Variants in TPCN1 observed in about 807,000 individuals in gnomAD.
The protein encoded by TPCN1 is two pore segment channel 1.
In TPCN1, 52 loss-of-function variants were observed where a neutral mutation model predicts 108.8. The observed-to-expected ratio is 0.48, with a 90% CI of 0.38 to 0.60. TPCN1 has a LOEUF of 0.60. Among genes scored for constraint, TPCN1 ranks in the 20% least tolerant of loss-of-function variants. TPCN1 has a pLI of 0.00. For missense variants in TPCN1, 806 were observed against 1,072.8 expected (o/e 0.75, Z 3.47); for synonymous variants, 446 against 433.7 (o/e 1.03, Z -0.35).
At position 113,293,471 on chromosome 12, in the gene TPCN1, A is replaced by G. The variant is rs1033119398; in HGVS notation, c.2334+122A>G. ...GCTGGTAGAGAGATGCAGACCGTCCATCGGGACCACTGCTGGGGTTGTGTG... is the reference window on the plus strand; with the variant it reads ...GCTGGTAGAGAGATGCAGACCGTCCGTCGGGACCACTGCTGGGGTTGTGTG... On this transcript the variant is annotated intron_variant, in intron 27 of 27. Transcript: ENST00000335509. The G allele has an allele frequency of 1.4e-5, 13 of 952,750 alleles. No homozygotes were observed. The African/African-American group carries it at 1.9e-4, about 14-fold the overall frequency. The allele number at this position is 952,750 out of a possible 1,614,324, so 59.0% of individuals were successfully genotyped here.
At chr12:113,264,418 C>G (rs1955165530) in intron 3 of TPCN1, among the ~76,000 whole-genome samples, 1 of 152,210 alleles carries the variant, frequency 6.6e-6, no homozygotes, top group Non-Finnish European at 1.5e-5. Context: ...GTGGCTCACA[C>G]CTGTAATCCC....
Position 113,273,088 on chromosome 12 carries a change from T to C in TPCN1, c.784-144T>C, listed in dbSNP as rs1054209294. 33 of 756,932 alleles carry C rather than the reference T, an allele frequency of 4.4e-5. No individual in the cohort carries two copies. The highest frequency in any genetic ancestry group is 7.1e-6 in the Non-Finnish European group (3 of 422,446). The allele number at this position is 756,932 out of a possible 1,614,324, so 46.9% of individuals were successfully genotyped here. On this transcript the variant is annotated intron_variant, in intron 8 of 27. Coordinates refer to ENST00000335509, the MANE Select transcript of TPCN1 (RefSeq NM_017901.6). This position sits in a 1 kb window ranked among gnomAD's most constrained non-coding sequence, Gnocchi z 4.0. ...GGAGGCCTCTGGACTGCATGTTTGC[T>C]CTTTCCTCTGCCTCCCTCAGGGATT...
At chr12:113,291,068 C>A in intron 23 of TPCN1, 70 bp downstream of exon 23, 1 of 1,413,320 alleles carries the variant, frequency 7.1e-7, no homozygotes, top group Non-Finnish European at 1.0e-6. Context: ...CTCCCCCAAC[C>A]CAGAGTATAT....
intron 27 of TPCN1, chr12:113,294,231 G>A (rs1956359117): frequency 6.6e-6 from 1 of 152,232 alleles, no homozygotes; most frequent in Non-Finnish European, 1.5e-5. Flanking sequence ...AACTACAGGT[G>A]TGCACTGTGA....
chr12:113,270,603 C>T (rs1235252438), intron 7 of TPCN1, among the ~76,000 whole-genome samples: 1 of 152,022 alleles, frequency 6.6e-6, no homozygotes, highest in East Asian at 1.9e-4. Flanking sequence ...GCCTCAGCCT[C>T]CCGAGTAGCT....
chr12:113,268,727 G>T lies in TPCN1; in HGVS notation c.529-15G>T. The stretch of plus-strand genomic sequence containing the variant: ...GCTGCAGGGGCTGACGGTGCTCCAT[G>T]CCTGCCACCCACAGACCTCGGTGCT... On this transcript the variant is annotated splice_polypyrimidine_tract_variant and intron_variant, in intron 5 of 27. Transcript: ENST00000335509. The surrounding 1 kb of genome is among the most constrained non-coding windows in gnomAD (Gnocchi z 7.3). 1 of 1,612,752 alleles carries T rather than the reference G, an allele frequency of 6.2e-7. No individual in the cohort carries two copies. Among genetic ancestry groups the T allele is most frequent in the Non-Finnish European group, 8.5e-7 (1 of 1,179,876 alleles).
At chr12:113,255,268 T>C (rs1183646312) in intron 2 of TPCN1, among the ~76,000 whole-genome samples, 1 of 152,114 alleles carries the variant, frequency 6.6e-6, no homozygotes, top group African/African-American at 2.4e-5. Context: ...CAATTGGAAA[T>C]TGAGATTAAA....
chr12:113,259,384 CGTT>C (rs1331512669), intron 2 of TPCN1, among the ~76,000 whole-genome samples: 6 of 152,276 alleles, frequency 3.9e-5, no homozygotes, highest in African/African-American at 1.2e-4. Flanking sequence ...TTCTTGGTGC[CGTT>C]GTTTACTGTG....
rs563249284 is a variant in TPCN1, at chr12:113,296,407, C to T, written c.*331C>T. ...GCCCCTCATGTGGGCTGGCCTCCAT[C>T]GGCCACGTCCAAAGCTGTCACTGCT... On this transcript the variant is annotated 3_prime_UTR_variant, in exon 28 of 28. Coordinates refer to ENST00000335509, the MANE Select transcript of TPCN1 (RefSeq NM_017901.6). 3.4e-5 allele frequency: 10 copies of T among 290,918 alleles called. No homozygotes were observed. The highest frequency in any genetic ancestry group is 1.5e-4 in the African/African-American group (7 of 47,330). The allele number at this position is 290,918 out of a possible 1,614,324, so 18.0% of individuals were successfully genotyped here.
At chr12:113,247,744 G>C (rs560210346) in intron 2 of TPCN1, among the ~76,000 whole-genome samples, 1 of 152,310 alleles carries the variant, frequency 6.6e-6, no homozygotes, top group Admixed American at 6.5e-5. Flanking sequence ...CCAGTTGCTC[G>C]TGCCTTGATG....
rs1415198017 is a variant in TPCN1 at position 113,288,327 on chromosome 12, G to C, written c.1706+93G>C. The stretch of plus-strand genomic sequence containing the variant: ...GCCGAGTGGCAGTCGGGGGAAAGGA[G>C]TTCCACAAAGGACTGCAATCGAGGG... On this transcript the variant is annotated intron_variant, in intron 20 of 27. Transcript: ENST00000335509. The surrounding 1 kb of genome is among the most constrained non-coding windows in gnomAD (Gnocchi z 4.8). 2 of 1,579,644 alleles carry C rather than the reference G, an allele frequency of 1.3e-6. No individual in the cohort carries two copies. Among genetic ancestry groups the C allele is most frequent in the Non-Finnish European group, 1.7e-6 (2 of 1,166,096 alleles).
chr12:113,242,662 A>C (rs1356789627), intron 2 of TPCN1, among the ~76,000 whole-genome samples: 1 of 152,202 alleles, frequency 6.6e-6, no homozygotes, highest in African/African-American at 2.4e-5. Flanking sequence ...AAGCTTCAGA[A>C]TTACAGAACC....
At chr12:113,253,866 C>G (rs143092584) in intron 2 of TPCN1, among the ~76,000 whole-genome samples, 1 of 152,230 alleles carries the variant, frequency 6.6e-6, no homozygotes. Flanking sequence ...AAAATAAAAT[C>G]TGCCGCAGGA....
chr12:113,224,696 G>A (rs1953405553), intron 1 of TPCN1, among the ~76,000 whole-genome samples: 2 of 151,228 alleles, frequency 1.3e-5, no homozygotes, highest in East Asian at 2.0e-4. Context: ...GCGCCTGGCC[G>A]CATATTAACT....
chr12:113,291,659 CTTT>C lies in TPCN1; in HGVS notation c.2012_2014del (p.Phe671del). The C allele has an allele frequency of 1.2e-6, 2 of 1,613,938 alleles. No individual in the cohort carries two copies. Among genetic ancestry groups the C allele is most frequent in the Non-Finnish European group, 1.7e-6 (2 of 1,179,932 alleles). Reference sequence around the variant, plus strand: ...ACTGGAGCCGCCTCTACTTCATGACCTTTTACATTGTGACCATGGTAGGTCCCG... The same window carrying C: ...ACTGGAGCCGCCTCTACTTCATGACCTACATTGTGACCATGGTAGGTCCCG... On this transcript the variant is annotated inframe_deletion, in exon 24 of 28. Transcript: ENST00000335509.
intron 2 of TPCN1, 92 bp from the exon 3 acceptor site, chr12:113,260,276 T>C: frequency 7.2e-7 from 1 of 1,386,142 alleles, no homozygotes; most frequent in Non-Finnish European, 9.5e-7. Context: ...TGTGAGCATA[T>C]GAAGGGACTG....
At chr12:113,274,718 C>T (rs1352575728) in intron 10 of TPCN1, among the ~76,000 whole-genome samples, 1 of 152,102 alleles carries the variant, frequency 6.6e-6, no homozygotes, top group Non-Finnish European at 1.5e-5. Context: ...TAAACACAAC[C>T]GTGGAGGTAG....
chr12:113,265,532 T>C (rs570323751), intron 3 of TPCN1, among the ~76,000 whole-genome samples: 1 of 151,864 alleles, frequency 6.6e-6, no homozygotes, highest in East Asian at 1.9e-4. Context: ...TCTCAGGACC[T>C]TTTTTCTTTT....
At chr12:113,230,566 C>G (rs898256166) in intron 2 of TPCN1, among the ~76,000 whole-genome samples, 12 of 152,138 alleles carry the variant, frequency 7.9e-5, no homozygotes, top group Non-Finnish European at 1.3e-4. Flanking sequence ...AGACACCAGT[C>G]CTATTGGATT....
Sources: gnomAD v4.1 joint callset for allele counts (sites outside exome capture counted in the v4.1 genomes callset) on GRCh38, gnomAD v4.1.1 for gene constraint, Gnocchi (gnomAD v3.1) non-coding constraint, MANE v1.5 for transcripts, NCBI Gene and HGNC (gene_info 2026-07-23, HGNC 2026-07-21) for gene names.